YAP1: variants seen among roughly 807,000 people sequenced by gnomAD.
YAP1 encodes the protein transcriptional coactivator YAP1.
A neutral mutation model predicts 56.9 loss-of-function variants in YAP1; 5 were observed. That is an observed-to-expected ratio of 0.09 (90% confidence interval 0.05 to 0.18). YAP1 has a LOEUF of 0.18. YAP1 is among the 10% of genes least tolerant of loss of function. The pLI is 1.00. For missense variants in YAP1, 539 were observed against 651.8 expected, an observed-to-expected ratio of 0.83 and a Z score of 1.88; for synonymous variants, 265 against 248.1, an observed-to-expected ratio of 1.07 and a Z score of -0.64.
rs902370061 is a variant in YAP1, at chr11:102,232,280, G to C, written c.*2340G>C. 1.3e-4 allele frequency: 15 copies of C among 117,734 alleles called. No individual in the cohort carries two copies. The highest frequency in any genetic ancestry group is 5.5e-5 in the Non-Finnish European group (3 of 54,480). The allele number at this position is 117,734 out of a possible 1,614,324, so 7.3% of individuals were successfully genotyped here. A position where few individuals can be genotyped will look rare whatever the true frequency, so the allele number is the denominator to read the frequency against. On this transcript the variant is annotated 3_prime_UTR_variant, in exon 9 of 9. Coordinates refer to ENST00000282441, the MANE Select transcript of YAP1 (RefSeq NM_001130145.3). ...CTTAGGGGGAGGGTGGGAAAGTTTG[G>C]GGGGGGGGTTGTGAAGATTTAGGGG...
At chr11:102,198,913 C>A (rs192095132) in intron 4 of YAP1, among the ~76,000 whole-genome samples, 53 of 151,766 alleles carry the variant, frequency 3.5e-4, no homozygotes, top group Non-Finnish European at 7.2e-4. Context: ...TCTATTTAGA[C>A]CTTGTAGGAA....
chr11:102,178,007 C>G (rs1947364816), intron 3 of YAP1, among the ~76,000 whole-genome samples: 1 of 152,132 alleles, frequency 6.6e-6, no homozygotes, highest in South Asian at 2.1e-4. Flanking sequence ...CTGCCACTTA[C>G]TAGGTTGGGC....
At chr11:102,218,358 T>C (rs1000727776) in intron 6 of YAP1, among the ~76,000 whole-genome samples, 6 of 152,246 alleles carry the variant, frequency 3.9e-5, no homozygotes, top group African/African-American at 1.4e-4. Context: ...AGATTACTTA[T>C]AATACAATGG....
intron 3 of YAP1, among the ~76,000 whole-genome samples, chr11:102,176,835 G>A (rs1417219627): frequency 6.6e-6 from 1 of 150,414 alleles, no homozygotes; most frequent in African/African-American, 2.4e-5. Flanking sequence ...GCTTTGGGGT[G>A]GACATACTGA....
Position 102,110,954 on chromosome 11 carries a change from C to T in YAP1, c.106C>T (p.Pro36Ser). The T allele has an allele frequency of 6.6e-7, 1 of 1,508,820 alleles. No individual in the cohort carries two copies. The allele number at this position is 1,508,820 out of a possible 1,614,324, so 93.5% of individuals were successfully genotyped here. ...GGGCCCGCCGTCCGGACCCGGGCAA[C>T]CGGCACCCGCGGCGACCCAGGCGGC... ...GQGPPSGPGQ[P>S]APAATQAAPQ... The change falls in exon 1 of 9, where the codon CCG becomes TCG. Residue 36 changes from proline (P) to serine (S), a missense_variant. By Grantham distance (74) the Pro-to-Ser change is moderately conservative (BLOSUM62 -1). Coordinates refer to ENST00000282441, the MANE Select transcript of YAP1 (RefSeq NM_001130145.3).
intron 2 of YAP1, among the ~76,000 whole-genome samples, chr11:102,150,547 AAATCTTTTTCTCCC>A (rs1157052869): frequency 6.6e-6 from 1 of 152,166 alleles, no homozygotes; most frequent in Non-Finnish European, 1.5e-5. Flanking sequence ...GGTTTCACCC[AAATCTTTTTCTCCC>A]TTTAAATGAC....
intron 6 of YAP1, among the ~76,000 whole-genome samples, chr11:102,214,133 G>C: frequency 6.6e-6 from 1 of 152,114 alleles, no homozygotes; most frequent in East Asian, 1.9e-4. Flanking sequence ...CAACACTGCT[G>C]TATAAAGATG....
At chr11:102,187,220 TA>T (rs1021768530) in intron 4 of YAP1, among the ~76,000 whole-genome samples, 1 of 152,140 alleles carries the variant, frequency 6.6e-6, no homozygotes, top group Non-Finnish European at 1.5e-5. Context: ...TATATACCTT[TA>T]AAAAAATAAA....
intron 4 of YAP1, among the ~76,000 whole-genome samples, chr11:102,202,035 G>A (rs999859803): frequency 6.6e-6 from 1 of 152,122 alleles, no homozygotes; most frequent in South Asian, 2.1e-4. Flanking sequence ...GTCAAATATG[G>A]CACACTTTGA....
At chr11:102,157,590 A>T (rs1946028084) in intron 2 of YAP1, among the ~76,000 whole-genome samples, 1 of 152,218 alleles carries the variant, frequency 6.6e-6, no homozygotes, top group Non-Finnish European at 1.5e-5. Context: ...ATTGTTTACT[A>T]AAAGTCAATT....
chr11:102,163,758 C>T (rs1946433420), intron 3 of YAP1, among the ~76,000 whole-genome samples: 2 of 152,154 alleles, frequency 1.3e-5, no homozygotes, highest in Non-Finnish European at 2.9e-5. Flanking sequence ...AGGAGGGTTC[C>T]TTGACTAGGC....
At chr11:102,142,080 T>C (rs1156459166) in intron 2 of YAP1, among the ~76,000 whole-genome samples, 1 of 152,224 alleles carries the variant, frequency 6.6e-6, no homozygotes, top group Non-Finnish European at 1.5e-5. Context: ...GTTTAATATA[T>C]AAATGTTATC....
intron 8 of YAP1, 71 bp from the exon 9 acceptor site, chr11:102,229,631 G>A (rs899377189): frequency 9.2e-6 from 13 of 1,418,752 alleles, no homozygotes; most frequent in South Asian, 3.8e-5. Flanking sequence ...GCATTTCTCT[G>A]TGCTCATATG....
At chr11:102,180,581 CT>C (rs1206156787) in intron 3 of YAP1, among the ~76,000 whole-genome samples, 3 of 147,844 alleles carry the variant, frequency 2.0e-5, no homozygotes, top group Non-Finnish European at 4.4e-5. Flanking sequence ...ACTTGGGATG[CT>C]GAGGCAGGAG....
In YAP1 at chr11:102,233,226, T is replaced by C. The variant is rs1950486545; in HGVS notation, c.*3286T>C. On this transcript the variant is annotated 3_prime_UTR_variant, in exon 9 of 9. Coordinates refer to ENST00000282441, the MANE Select transcript of YAP1 (RefSeq NM_001130145.3). ...AAAAGTATTCTCCACATTTTAAATGTTTTATATTAGAGAATTCTTTAATGC... is the reference window on the plus strand; with the variant it reads ...AAAAGTATTCTCCACATTTTAAATGCTTTATATTAGAGAATTCTTTAATGC... 6.6e-6 allele frequency: 1 copy of C among 152,216 alleles called. No individual in the cohort carries two copies. Among genetic ancestry groups the C allele is most frequent in the Admixed American group, 6.5e-5 (1 of 15,280 alleles). 9.4% of individuals were successfully genotyped at this position (152,216 alleles called of 1,614,324 possible). A position where few individuals can be genotyped will look rare whatever the true frequency, so the allele number is the denominator to read the frequency against.
At chr11:102,200,032 C>T (rs923763305) in intron 4 of YAP1, among the ~76,000 whole-genome samples, 2 of 152,166 alleles carry the variant, frequency 1.3e-5, no homozygotes, top group African/African-American at 4.8e-5. Context: ...TTAAAACATA[C>T]TACTAAAGTT....
chr11:102,133,774 T>C (rs1447786936), intron 2 of YAP1, among the ~76,000 whole-genome samples: 1 of 152,198 alleles, frequency 6.6e-6, no homozygotes, highest in Admixed American at 6.5e-5. Flanking sequence ...TTACTAGTTA[T>C]CTTAGTCAGC....
intron 3 of YAP1, among the ~76,000 whole-genome samples, chr11:102,182,550 A>C (rs1438700562): frequency 1.3e-5 from 2 of 152,212 alleles, no homozygotes; most frequent in East Asian, 3.8e-4. Context: ...TCCTGCATTG[A>C]GAATCAAGTC....
chr11:102,132,908 C>G (rs1391805815), intron 2 of YAP1, among the ~76,000 whole-genome samples: 1 of 152,110 alleles, frequency 6.6e-6, no homozygotes, highest in East Asian at 1.9e-4. Flanking sequence ...CCTGTAATCC[C>G]AGCGCTTTGG....
Sources: gnomAD v4.1 joint callset for allele counts (sites outside exome capture counted in the v4.1 genomes callset) on GRCh38, gnomAD v4.1.1 for gene constraint, MANE v1.5 for transcripts, NCBI Gene and HGNC (gene_info 2026-07-23, HGNC 2026-07-21) for gene names.